Variants in NIPAL3 observed in about 807,000 individuals in gnomAD.
NIPAL3 encodes the protein NIPA-like protein 3.
In NIPAL3, 41 loss-of-function variants were observed where a neutral mutation model predicts 47.2. The ratio of observed to expected loss-of-function variants is 0.87; its 90% CI spans 0.68 to 1.13. The LOEUF is 1.13. NIPAL3 is among the 50% of genes most tolerant of loss of function. The pLI is 0.00. For synonymous variants in NIPAL3, 194 were observed against 209.6 expected, an observed-to-expected ratio of 0.93 and a Z score of 0.64; for missense variants, 449 against 530.1, an observed-to-expected ratio of 0.85 and a Z score of 1.50.
chr1:24,462,708 A>C (rs1418922337), intron 10 of NIPAL3, among the ~76,000 whole-genome samples: 1 of 152,174 alleles, frequency 6.6e-6, no homozygotes, highest in African/African-American at 2.4e-5. Flanking sequence ...CAGAGGTTGC[A>C]GTGAGCCAAG....
intron 11 of NIPAL3, chr1:24,466,160 C>A: frequency 1.3e-6 from 2 of 1,482,988 alleles, no homozygotes; most frequent in Non-Finnish European, 9.2e-7. Flanking sequence ...AGGAACTAGC[C>A]TGGCACTCTC....
Position 24,441,938 on chromosome 1 carries a change from G to A in NIPAL3, c.163-117G>A, listed in dbSNP as rs1350829854. 9.5e-5 allele frequency: 97 copies of A among 1,026,112 alleles called. 1 individual carries two copies. In the East Asian group the frequency reaches 2.3e-3, roughly 24 times the overall value. The allele number at this position is 1,026,112 out of a possible 1,614,324, so 63.6% of individuals were successfully genotyped here. A position where few individuals can be genotyped will look rare whatever the true frequency, so the allele number is the denominator to read the frequency against. ...TCTTCTCTGAGTCAGGACTCCACAA[G>A]AACCTGACAAGTCTTCCCAATTTAT... On this transcript the variant is annotated intron_variant, in intron 3 of 11. Transcript: ENST00000374399.
intron 5 of NIPAL3, among the ~76,000 whole-genome samples, chr1:24,445,952 C>T (rs1645636513): frequency 6.6e-6 from 1 of 152,018 alleles, no homozygotes; most frequent in Non-Finnish European, 1.5e-5. Flanking sequence ...ACATGGAAAC[C>T]CAAGAAGTGG....
intron 2 of NIPAL3, among the ~76,000 whole-genome samples, chr1:24,435,599 C>G (rs915461977): frequency 6.6e-6 from 1 of 152,228 alleles, no homozygotes; most frequent in South Asian, 2.1e-4. Context: ...ATCTCTCTCC[C>G]CCACCCATGA....
chr1:24,424,709 A>G (rs1644492933), intron 2 of NIPAL3, among the ~76,000 whole-genome samples: 1 of 152,168 alleles, frequency 6.6e-6, no homozygotes, highest in South Asian at 2.1e-4. Context: ...CTCCCCTTTA[A>G]AAGAGGGAAG....
At position 24,470,228 on chromosome 1, in the gene NIPAL3, G is replaced by T. The variant is rs1192967544; in HGVS notation, c.*1043G>T. On this transcript the variant is annotated 3_prime_UTR_variant, in exon 12 of 12. Transcript: ENST00000374399. The stretch of plus-strand genomic sequence containing the variant: ...GGAGAAGCAAGCATTCTCCAAAACA[G>T]GGCTGTTGCTTTCTTCCTGGCCGCA... 1 of 152,190 alleles carries T rather than the reference G, an allele frequency of 6.6e-6. No individual in the cohort carries two copies. Among genetic ancestry groups the T allele is most frequent in the Non-Finnish European group, 1.5e-5 (1 of 68,050 alleles). 9.4% of individuals were successfully genotyped at this position (152,190 alleles called of 1,614,324 possible). A position where few individuals can be genotyped will look rare whatever the true frequency, so the allele number is the denominator to read the frequency against.
chr1:24,434,846 CA>C (rs1645027699), intron 2 of NIPAL3, among the ~76,000 whole-genome samples: 1 of 151,914 alleles, frequency 6.6e-6, no homozygotes, highest in South Asian at 2.1e-4. Context: ...CCTAAATAAC[CA>C]ACAAGTCAAT....
chr1:24,457,603 C>T, intron 8 of NIPAL3: 1 of 384,000 alleles, frequency 2.6e-6, no homozygotes, highest in Non-Finnish European at 5.2e-6. Flanking sequence ...GGATATTATC[C>T]CCATTTTGCA....
At chr1:24,440,303 A>T in intron 3 of NIPAL3, 63 bp downstream of exon 3, 2 of 1,328,580 alleles carry the variant, frequency 1.5e-6, no homozygotes, top group Non-Finnish European at 2.0e-6. Flanking sequence ...AGGGTGTCTT[A>T]TCCAGGTCCA....
chr1:24,440,186 C>A lies in NIPAL3; in HGVS notation c.108C>A (p.Gly36=). The A allele has an allele frequency of 6.3e-7, 1 of 1,589,096 alleles. No homozygotes were observed. Among genetic ancestry groups the A allele is most frequent in the Non-Finnish European group, 8.6e-7 (1 of 1,168,338 alleles). ...ASFSYKENLI[G]ALLAIFGHLV... ...TTTCCTTACAGGAAAACCTGATTGG[C>A]GCCCTCTTGGCGATCTTCGGGCACC... The change falls in exon 3 of 12, where the codon GGC becomes GGA. Residue 36 remains glycine, a synonymous_variant. Transcript: ENST00000374399.
intron 1 of NIPAL3, among the ~76,000 whole-genome samples, chr1:24,418,815 C>T (rs750868449): frequency 1.3e-5 from 2 of 151,974 alleles, no homozygotes; most frequent in South Asian, 2.1e-4. Context: ...GGCCAATCCT[C>T]GGTAGCAGGC....
chr1:24,453,993 TGAATCAGCTTG>T (rs1646067914), intron 7 of NIPAL3: 3 of 460,028 alleles, frequency 6.5e-6, no homozygotes, highest in Non-Finnish European at 1.3e-5. Context: ...AGATAGCTCC[TGAATCAGCTTG>T]AGGCTAGAAC....
At chr1:24,464,220 C>A in intron 11 of NIPAL3, 100 bp downstream of exon 11, 1 of 816,236 alleles carries the variant, frequency 1.2e-6, no homozygotes, top group South Asian at 2.2e-5. Context: ...GTGCCTTTAT[C>A]GTGTGACTGT....
intron 4 of NIPAL3, 25 bp downstream of exon 4, chr1:24,442,251 C>A (rs774087968): frequency 7.5e-6 from 12 of 1,606,748 alleles, no homozygotes; most frequent in Admixed American, 1.7e-5. Context: ...GCCCCACCCT[C>A]CCCTGGGGTG....
chr1:24,431,754 C>T (rs1644887918), intron 2 of NIPAL3, among the ~76,000 whole-genome samples: 1 of 151,978 alleles, frequency 6.6e-6, no homozygotes, highest in Admixed American at 6.6e-5. Context: ...GAGTCTTTTT[C>T]CCTTACACCA....
chr1:24,441,956 C>G (rs1338063209), intron 3 of NIPAL3, 99 bp from the exon 4 acceptor site: 2 of 1,292,638 alleles, frequency 1.5e-6, no homozygotes, highest in African/African-American at 2.9e-5. Flanking sequence ...CAAGTCTTCC[C>G]AATTTATTTG....
intron 2 of NIPAL3, among the ~76,000 whole-genome samples, chr1:24,436,636 C>T (rs753175776): frequency 6.7e-6 from 1 of 149,938 alleles, no homozygotes; most frequent in Non-Finnish European, 1.5e-5. Context: ...TTATAGGCGC[C>T]CACCACCACG....
chr1:24,447,634 G>A (rs1363105179), intron 5 of NIPAL3, among the ~76,000 whole-genome samples: 6 of 152,196 alleles, frequency 3.9e-5, no homozygotes, highest in Non-Finnish European at 8.8e-5. Context: ...ATGACAGACT[G>A]AATTTCAATA....
intron 2 of NIPAL3, among the ~76,000 whole-genome samples, chr1:24,421,536 GATA>G (rs1018659251): frequency 3.3e-5 from 5 of 152,168 alleles, no homozygotes; most frequent in African/African-American, 7.2e-5. Context: ...GTTAATTTTA[GATA>G]ATAATGATGA....
Sources: allele counts gnomAD v4.1 joint callset (sites outside exome capture counted in the v4.1 genomes callset), GRCh38; gene constraint gnomAD v4.1.1; transcripts MANE v1.5; gene names NCBI Gene and HGNC (gene_info 2026-07-23, HGNC 2026-07-21).